COL27A1: variants seen among roughly 807,000 people sequenced by gnomAD.
The protein encoded by COL27A1 is collagen alpha-1(XXVII) chain.
COL27A1 carries 106 observed loss-of-function variants against 251.3 expected under a neutral mutation model. That is an observed-to-expected ratio of 0.42 (90% CI 0.36 to 0.50). The LOEUF (loss-of-function observed/expected upper bound fraction) is 0.50. COL27A1 is among the 20% of genes least tolerant of loss of function. The pLI, the probability that COL27A1 is intolerant of heterozygous loss-of-function variation, is 0.00. For missense variants in COL27A1, 2,325 were observed against 2,522.8 expected, an observed-to-expected ratio of 0.92 and a Z score of 1.68; for synonymous variants, 1,000 against 986.3, an observed-to-expected ratio of 1.01 and a Z score of -0.26.
intron 41 of COL27A1, among the ~76,000 whole-genome samples, chr9:114,286,100 T>C (rs1229003315): frequency 6.6e-6 from 1 of 152,116 alleles, no homozygotes; most frequent in East Asian, 1.9e-4. Context: ...TTATGGAGGA[T>C]TTAGTGTGTT....
At chr9:114,210,843 C>G (rs1251628377) in intron 11 of COL27A1, 139 bp from the exon 12 acceptor site, 2 of 767,332 alleles carry the variant, frequency 2.6e-6, no homozygotes, top group Non-Finnish European at 2.2e-6. Flanking sequence ...GTGCATGTCA[C>G]TGGGGCCGCC....
Position 114,187,168 on chromosome 9 carries a change from A to G in COL27A1, c.2016+4093A>G, listed in dbSNP as rs1351557829. 2.0e-5 allele frequency among the ~76,000 whole-genome samples: 3 copies of G among 152,348 alleles called. 1 individual carries two copies. The highest frequency in any genetic ancestry group is 3.9e-4 in the East Asian group (2 of 5,180). On this transcript the variant is annotated intron_variant, in intron 5 of 60. Transcript: ENST00000356083. Reference sequence around the variant, plus strand: ...GAGCTTTACCTTTCCTCTTCCTCTAATGTTCCTTCCTTTGGGCCAGGCCCT... The same window carrying G: ...GAGCTTTACCTTTCCTCTTCCTCTAGTGTTCCTTCCTTTGGGCCAGGCCCT...
At chr9:114,175,978 G>A (rs16927020) in intron 3 of COL27A1, among the ~76,000 whole-genome samples, 2,534 of 152,332 alleles carry the variant, frequency 0.017, 79 homozygotes, top group African/African-American at 0.058. Context: ...GATGTCCAGA[G>A]AAGAGAAGGG....
At position 114,298,046 on chromosome 9, in the gene COL27A1, G is replaced by A. The variant is rs181103848; in HGVS notation, c.4585-2024G>A. 8.7e-4 allele frequency among the ~76,000 whole-genome samples: 132 copies of A among 151,628 alleles called. 1 individual carries two copies. The highest frequency in any genetic ancestry group is 3.0e-3 in the African/African-American group (125 of 41,280). On this transcript the variant is annotated intron_variant, in intron 49 of 60. Coordinates refer to ENST00000356083, the MANE Select transcript of COL27A1 (RefSeq NM_032888.4). ...CTGGGCATGGTGGCATGTGCCTATA[G>A]TCCTAGCTACTCAGGAGGCTGAAAT...
chr9:114,181,232 C>T (rs1206375593), intron 4 of COL27A1, among the ~76,000 whole-genome samples: 4 of 152,190 alleles, frequency 2.6e-5, no homozygotes, highest in Admixed American at 6.5e-5. Flanking sequence ...GGTTCTGTCG[C>T]GTGCCAGGAG....
At chr9:114,167,085 G>A (rs1422500825) in intron 2 of COL27A1, among the ~76,000 whole-genome samples, 1 of 152,316 alleles carries the variant, frequency 6.6e-6, no homozygotes, top group South Asian at 2.1e-4. Flanking sequence ...TCTTTACCAA[G>A]CTCTGGTGAC....
chr9:114,311,045 G>A lies in COL27A1; in HGVS notation c.*350G>A, dbSNP rs1249755. 0.014 allele frequency: 3,285 copies of A among 242,294 alleles called. 96 individuals carry two copies. The highest frequency in any genetic ancestry group is 0.069 in the African/African-American group (3,130 of 45,478). 15.0% of individuals were successfully genotyped at this position (242,294 alleles called of 1,614,324 possible). On this transcript the variant is annotated 3_prime_UTR_variant, in exon 61 of 61. Transcript: ENST00000356083. ...CCACATTCAAGCCAACTTGAGGGAA[G>A]GGGGCGTCTCGTCAGCTGGTCCCTG...
Position 114,311,256 on chromosome 9 carries a change from G to A in COL27A1, c.*561G>A, listed in dbSNP as rs888006223. The A allele has an allele frequency of 6.6e-6, 1 of 151,858 alleles. No individual in the cohort carries two copies. Among genetic ancestry groups the A allele is most frequent in the Non-Finnish European group, 1.5e-5 (1 of 68,012 alleles). The allele number at this position is 151,858 out of a possible 1,614,324, so 9.4% of individuals were successfully genotyped here. A position where few individuals can be genotyped will look rare whatever the true frequency, so the allele number is the denominator to read the frequency against. On this transcript the variant is annotated 3_prime_UTR_variant, in exon 61 of 61. Transcript: ENST00000356083. ...AGGCGTGGGAAGCGGCGAGATCCTC[G>A]GGCTGGGGGTGCCCACGTTTGCTAC... is the stretch of plus-strand genomic sequence containing the variant.
At chr9:114,254,672 G>A (rs1172707274) in intron 27 of COL27A1, among the ~76,000 whole-genome samples, 1 of 152,194 alleles carries the variant, frequency 6.6e-6, no homozygotes, top group Non-Finnish European at 1.5e-5. Context: ...GGGCCCTGAA[G>A]CCTTTCATGG....
rs1267198963 is a variant in COL27A1 at position 114,311,208 on chromosome 9, T to C, written c.*513T>C. The C allele has an allele frequency of 7.0e-6, 1 of 143,780 alleles. No homozygotes were observed. The highest frequency in any genetic ancestry group is 1.5e-5 in the Non-Finnish European group (1 of 65,194). The allele number at this position is 143,780 out of a possible 1,614,324, so 8.9% of individuals were successfully genotyped here. A position where few individuals can be genotyped will look rare whatever the true frequency, so the allele number is the denominator to read the frequency against. ...ATTTTTTTTTCACCCGGGAAAGAGG[T>C]GAGAGGATGGGAAGGAGCAGCCAGG... On this transcript the variant is annotated 3_prime_UTR_variant, in exon 61 of 61. Coordinates refer to ENST00000356083, the MANE Select transcript of COL27A1 (RefSeq NM_032888.4).
intron 12 of COL27A1, among the ~76,000 whole-genome samples, chr9:114,219,379 C>T (rs1351319892): frequency 6.6e-6 from 1 of 152,202 alleles, no homozygotes; most frequent in Non-Finnish European, 1.5e-5. Context: ...GTGCCACAAT[C>T]AGAGAAGGTC....
In COL27A1 at chr9:114,169,273, C is replaced by T. The variant is rs1328394557; in HGVS notation, c.1718C>T (p.Thr573Ile). 2 of 1,612,366 alleles carry T rather than the reference C, an allele frequency of 1.2e-6. No individual in the cohort carries two copies. Among genetic ancestry groups the T allele is most frequent in the Non-Finnish European group, 1.7e-6 (2 of 1,179,118 alleles). Residue 573 changes from threonine (T) to isoleucine (I), a missense_variant, in exon 3 of 61, where the codon ACC becomes ATC. By Grantham distance (89) the Thr-to-Ile change is moderately conservative. Coordinates refer to ENST00000356083, the MANE Select transcript of COL27A1 (RefSeq NM_032888.4). ...GATGTCCCCTTGAGCGATCTGACAA[C>T]CAGGCCTAGCCCCAGACAGCCCCAG... is the stretch of plus-strand genomic sequence containing the variant. ...ARDVPLSDLT[T>I]RPSPRQPQPS...
At chr9:114,190,195 C>T (rs1273099337) in intron 5 of COL27A1, among the ~76,000 whole-genome samples, 1 of 152,202 alleles carries the variant, frequency 6.6e-6, no homozygotes, top group African/African-American at 2.4e-5. Context: ...CTTCTCTGGG[C>T]CAGGCCCTGT....
At chr9:114,246,548 C>T (rs1279774189) in intron 24 of COL27A1, among the ~76,000 whole-genome samples, 1 of 152,188 alleles carries the variant, frequency 6.6e-6, no homozygotes, top group Non-Finnish European at 1.5e-5. Context: ...AACCTCTTGG[C>T]TCCAAGGTGG....
intron 9 of COL27A1, 65 bp from the exon 10 acceptor site, chr9:114,206,187 C>A (rs1829950701): frequency 6.5e-7 from 1 of 1,528,050 alleles, no homozygotes. Flanking sequence ...GCAGGACTTG[C>A]CCCAGGATTG....
At chr9:114,173,484 C>G (rs7023208) in intron 3 of COL27A1, among the ~76,000 whole-genome samples, 49,672 of 150,174 alleles carry the variant, frequency 0.33, 8,459 homozygotes, top group Admixed American at 0.44. Context: ...AGAACATAGG[C>G]TTTGGATTTG....
intron 22 of COL27A1, among the ~76,000 whole-genome samples, chr9:114,242,844 A>G (rs1297191604): frequency 6.6e-6 from 1 of 152,210 alleles, no homozygotes; most frequent in Non-Finnish European, 1.5e-5. Flanking sequence ...CCTGTTGATA[A>G]AAATTATATT....
At chr9:114,226,942 C>T (rs73656020) in intron 14 of COL27A1, among the ~76,000 whole-genome samples, 2,009 of 152,272 alleles carry the variant, frequency 0.013, 50 homozygotes, top group African/African-American at 0.046. Context: ...GCTCTGAGGC[C>T]TGACAGCAGG....
At chr9:114,301,913 C>T (rs911063982) in intron 55 of COL27A1, among the ~76,000 whole-genome samples, 169 bp from the exon 56 acceptor site, 2 of 152,144 alleles carry the variant, frequency 1.3e-5, no homozygotes, top group African/African-American at 4.8e-5. Context: ...GGGGCCAGGC[C>T]TCCAGAAAAG....
Sources: allele counts gnomAD v4.1 joint callset (sites outside exome capture counted in the v4.1 genomes callset), GRCh38; gene constraint gnomAD v4.1.1; transcripts MANE v1.5; gene names NCBI Gene and HGNC (gene_info 2026-07-23, HGNC 2026-07-21).